Variants in LMNTD2 observed in about 807,000 individuals in gnomAD.
The protein encoded by LMNTD2 is lamin tail domain-containing protein 2.
LMNTD2 carries 83 observed loss-of-function variants against 70.1 expected under a neutral mutation model. The observed-to-expected ratio is 1.18, with a 90% confidence interval of 0.99 to 1.42. The LOEUF (loss-of-function observed/expected upper bound fraction) is 1.42. LMNTD2 is among the 40% of genes most tolerant of loss of function. The probability of loss-of-function intolerance (pLI) is 0.00; values close to 1 mark genes in which losing one functional copy is unlikely to be tolerated. For synonymous variants in LMNTD2, 534 were observed against 406.1 expected, an observed-to-expected ratio of 1.31 and a Z score of -3.79; for missense variants, 1,153 against 905.9, an observed-to-expected ratio of 1.27 and a Z score of -3.50.
intron 10 of LMNTD2, 35 bp from the exon 11 acceptor site, chr11:556,150 C>A: frequency 7.6e-7 from 1 of 1,309,182 alleles, no homozygotes; most frequent in Non-Finnish European, 9.7e-7. Context: ...GAGGGGCGGC[C>A]GGGCCGGGCC....
At position 557,586 on chromosome 11, in the gene LMNTD2, C is replaced by CCTGAATGTTTT. The variant is rs773351908; in HGVS notation, c.599_609dup (p.Ala204LysfsTer74). On this transcript the variant is annotated frameshift_variant, in exon 6 of 14. Transcript: ENST00000329451. LOFTEE classifies it high-confidence loss of function. Reference sequence around the variant, plus strand: ...GCCTAGCTCACCTCCCCGGTGGGGGCCTGAATGTTTTCAGAGAGGTCGCTT... The same window carrying CCTGAATGTTTT: ...GCCTAGCTCACCTCCCCGGTGGGGGCCTGAATGTTTTCTGAATGTTTTCAGAGAGGTCGCTT... The CCTGAATGTTTT allele has an allele frequency of 1.2e-6, 2 of 1,613,360 alleles. No individual in the cohort carries two copies. The highest frequency in any genetic ancestry group is 1.7e-6 in the Non-Finnish European group (2 of 1,179,866).
In LMNTD2 at chr11:555,858, A is replaced by G. The variant is rs749355145; in HGVS notation, c.1450T>C (p.Ser484Pro). ...PRVFADGTDL[S>P]IDRFPLPEAG... ...TCAGGGAGCGGGAAGCGGTCGATGG[A>G]CAAGTCGGTGCCGTCGGCGAAGACC... The change falls in exon 12 of 14, where the codon TCC (serine) becomes CCC (proline). Residue 484 changes from serine (S) to proline (P), a missense_variant. By Grantham distance (74) the Ser-to-Pro change is moderately conservative. Transcript: ENST00000329451. 1.3e-6 allele frequency: 2 copies of G among 1,560,652 alleles called. No homozygotes were observed. Among genetic ancestry groups the G allele is most frequent in the South Asian group, 1.2e-5 (1 of 86,044 alleles).
intron 8 of LMNTD2, 49 bp downstream of exon 8, chr11:556,786 G>A: frequency 6.7e-7 from 1 of 1,499,000 alleles, no homozygotes; most frequent in East Asian, 2.4e-5. Flanking sequence ...AGCTCTGAGG[G>A]GGTGGAGGGT....
Position 557,477 on chromosome 11 carries a change from A to G in LMNTD2, c.635T>C (p.Leu212Pro), listed in dbSNP as rs142820502. Residue 212 changes from leucine (L) to proline (P), a missense_variant, in exon 7 of 14, where the codon CTG becomes CCG. Coordinates refer to ENST00000329451, the MANE Select transcript of LMNTD2 (RefSeq NM_173573.3). Reference protein sequence around the residue: ...IQAPTGEGFRLEDVDWNSVAR... With the variant: ...IQAPTGEGFRPEDVDWNSVAR... Reference sequence around the variant, plus strand: ...AACGCTGTTCCAATCCACGTCCTCCAGCCGAAAGCCCTGGCCAGGAAGCAA... The same window carrying G: ...AACGCTGTTCCAATCCACGTCCTCCGGCCGAAAGCCCTGGCCAGGAAGCAA... The G allele has an allele frequency of 6.2e-6, 10 of 1,611,952 alleles. No homozygotes were observed. The African/African-American group carries it at 1.1e-4, about 17-fold the overall frequency.
rs532417751 is a variant in LMNTD2, at chr11:557,273, C to T, written c.713+126G>A. The T allele has an allele frequency of 9.9e-5, 134 of 1,357,736 alleles. No homozygotes were observed. The African/African-American group carries it at 1.0e-3, about 10-fold the overall frequency. The allele number at this position is 1,357,736 out of a possible 1,614,324, so 84.1% of individuals were successfully genotyped here. ...CCAACGCATTCTACAGATCAGAGAA[C>T]GCGCATTGGAAGGTTTAAGAGACTT... On this transcript the variant is annotated intron_variant, in intron 7 of 13. Transcript: ENST00000329451.
intron 5 of LMNTD2, 108 bp downstream of exon 5, chr11:557,776 C>T (rs1852992623): frequency 6.5e-7 from 1 of 1,541,166 alleles, no homozygotes; most frequent in Admixed American, 2.0e-5. Flanking sequence ...GGCACCTGAG[C>T]AGGGCAGGCT....
intron 13 of LMNTD2, 63 bp downstream of exon 13, chr11:555,242 G>GGGAGA: frequency 1.7e-6 from 2 of 1,208,752 alleles, no homozygotes; most frequent in Non-Finnish European, 1.1e-6. Flanking sequence ...AGGGAGGGGC[G>GGGAGA]GGAGAGGAGA....
Position 558,412 on chromosome 11 carries a change from A to G in LMNTD2, c.312-164T>C, listed in dbSNP as rs576456345. 395 of 1,064,672 alleles carry G rather than the reference A, an allele frequency of 3.7e-4. 1 individual carries two copies. The African/African-American group carries it at 5.7e-3, about 15-fold the overall frequency. 66.0% of individuals were successfully genotyped at this position (1,064,672 alleles called of 1,614,324 possible). On this transcript the variant is annotated intron_variant, in intron 3 of 13. Transcript: ENST00000329451. ...GCTGGCCAGCCTCCGGCTGGTCTGG[A>G]CAAGGGTCTAGCACCCATCCACATG...
chr11:557,057 C>T lies in LMNTD2; in HGVS notation c.754G>A (p.Glu252Lys), dbSNP rs750781882. The T allele has an allele frequency of 1.9e-6, 3 of 1,607,450 alleles. No homozygotes were observed. The highest frequency in any genetic ancestry group is 2.2e-5 in the East Asian group (1 of 44,740). ...CGCTCGGAATGCTTTCCAGAGGACTCTGGGCTCCCTGTGTCCAGCTGTGGC... is the reference window on the plus strand; with the variant it reads ...CGCTCGGAATGCTTTCCAGAGGACTTTGGGCTCCCTGTGTCCAGCTGTGGC... ...PWPQLDTGSPESSGKHSERHH... is the reference protein window; with the variant it reads ...PWPQLDTGSPKSSGKHSERHH... The change falls in exon 8 of 14, where the codon GAG (glutamate) becomes AAG (lysine). Residue 252 changes from glutamate (E) to lysine (K), a missense_variant. By Grantham distance (56) the Glu-to-Lys change is moderately conservative. Transcript: ENST00000329451.
At position 555,313 on chromosome 11, in the gene LMNTD2, G is replaced by A. The variant is rs778715756; in HGVS notation, c.1765C>T (p.Arg589Ter). The change falls in exon 13 of 14, where the codon CGA becomes TGA. Residue 589 changes from arginine to a stop codon, truncating the protein, a stop_gained. Transcript: ENST00000329451. LOFTEE classifies it low-confidence loss of function (END_TRUNC). ...CGCAAGCGCGCACTCACCCGAACTCGGTGTTCTTTCTGGAGCCGACAGTCC... is the reference window on the plus strand; with the variant it reads ...CGCAAGCGCGCACTCACCCGAACTCAGTGTTCTTTCTGGAGCCGACAGTCC... ...LEDCRLQKEHRVRVCRKSVDR... is the reference protein window; with the variant it reads ...LEDCRLQKEH The A allele has an allele frequency of 7.0e-7, 1 of 1,419,298 alleles. No individual in the cohort carries two copies. Among genetic ancestry groups the A allele is most frequent in the Non-Finnish European group, 9.2e-7 (1 of 1,089,132 alleles). The allele number at this position is 1,419,298 out of a possible 1,614,324, so 87.9% of individuals were successfully genotyped here.
In LMNTD2 at chr11:555,759, G is replaced by A. The variant is rs1351425959; in HGVS notation, c.1549C>T (p.Pro517Ser). ...RPLRKGRVRE[P>S]RVSRRRPGTR... ...CCTGGTCTCCGGCGACTGACCCGGGGCTCCCGCACCCGGCCTTTGCGCAGG... is the reference window on the plus strand; with the variant it reads ...CCTGGTCTCCGGCGACTGACCCGGGACTCCCGCACCCGGCCTTTGCGCAGG... Residue 517 changes from proline to serine, a missense_variant, in exon 12 of 14, where the codon CCC (proline) becomes TCC (serine). Transcript: ENST00000329451. The A allele has an allele frequency of 1.6e-5, 23 of 1,437,062 alleles. No homozygotes were observed. Among genetic ancestry groups the A allele is most frequent in the East Asian group, 2.9e-5 (1 of 34,810 alleles). 89.0% of individuals were successfully genotyped at this position (1,437,062 alleles called of 1,614,324 possible). A position where few individuals can be genotyped will look rare whatever the true frequency, so the allele number is the denominator to read the frequency against.
At chr11:559,192 CGT>C in intron 1 of LMNTD2, 1 of 1,473,752 alleles carries the variant, frequency 6.8e-7, no homozygotes. Flanking sequence ...TGTCCACACC[CGT>C]GTGTTTCTGA....
At position 558,902 on chromosome 11, in the gene LMNTD2, C is replaced by CT; in HGVS notation, c.111dup (p.Asp38ArgfsTer20). The CT allele has an allele frequency of 6.2e-7, 1 of 1,611,152 alleles. No homozygotes were observed. Among genetic ancestry groups the CT allele is most frequent in the African/African-American group, 1.3e-5 (1 of 74,984 alleles). ...ACCGGTGCGGGGTGGGGCGTGGTGT[C>CT]TGGCAGGCACGTGGGAGTCTCGGGG... On this transcript the variant is annotated frameshift_variant, in exon 2 of 14. Coordinates refer to ENST00000329451, the MANE Select transcript of LMNTD2 (RefSeq NM_173573.3). LOFTEE classifies it high-confidence loss of function.
At chr11:560,407 C>G in intron 1 of LMNTD2, 1 of 1,224,748 alleles carries the variant, frequency 8.2e-7, no homozygotes, top group Non-Finnish European at 1.0e-6. Flanking sequence ...GGGCACCTCC[C>G]GCACCAGGAC....
Position 556,963 on chromosome 11 carries a change from G to C in LMNTD2, c.848C>G (p.Ser283Cys), listed in dbSNP as rs774250126. The change falls in exon 8 of 14, where the codon TCC becomes TGC. Residue 283 changes from serine to cysteine, a missense_variant. Physicochemically the swap from Ser to Cys is moderately radical, Grantham distance 112. Coordinates refer to ENST00000329451, the MANE Select transcript of LMNTD2 (RefSeq NM_173573.3). ...LNTSSSGGAD[S>C]DSSSCRPGLP... Reference sequence around the variant, plus strand: ...GCCCGGCCGGCAGCTGCTGGAGTCGGAGTCAGCGCCCCCTGAGCTGCTGGT... The same window carrying C: ...GCCCGGCCGGCAGCTGCTGGAGTCGCAGTCAGCGCCCCCTGAGCTGCTGGT... 5 of 1,605,176 alleles carry C rather than the reference G, an allele frequency of 3.1e-6. No individual in the cohort carries two copies. The Admixed American group carries it at 6.7e-5, about 22-fold the overall frequency.
chr11:560,448 C>T (rs113263596), intron 1 of LMNTD2: 66,747 of 1,249,942 alleles, frequency 0.053, 1,937 homozygotes, highest in Non-Finnish European at 0.06. Context: ...AGGGCTCCAC[C>T]TCCCTCGCCG....
intron 12 of LMNTD2, 64 bp from the exon 13 acceptor site, chr11:555,567 C>T (rs1268860855): frequency 1.5e-6 from 2 of 1,307,412 alleles, no homozygotes; most frequent in Non-Finnish European, 2.0e-6. Context: ...GAGGGCTCCG[C>T]GCCTGGGGCG....
rs777082635 is a variant in LMNTD2 at position 558,032 on chromosome 11, T to TC, written c.406dup (p.Glu136GlyfsTer65). ...CTGCAGCAGCCGCTCCTCCAGGTGC[T>TC]CCTTCTCCTGCTCCGAGAGGGCCTG... On this transcript the variant is annotated frameshift_variant, in exon 5 of 14. Transcript: ENST00000329451. LOFTEE classifies it high-confidence loss of function. 8.9e-6 allele frequency: 14 copies of TC among 1,579,412 alleles called. No individual in the cohort carries two copies. The East Asian group carries it at 3.1e-4, about 35-fold the overall frequency.
At position 555,055 on chromosome 11, in the gene LMNTD2, G is replaced by C. The variant is rs886935528; in HGVS notation, c.1830C>G (p.Asn610Lys). The change falls in exon 14 of 14, where the codon AAC becomes AAG. Residue 610 changes from asparagine to lysine, a missense_variant. Coordinates refer to ENST00000329451, the MANE Select transcript of LMNTD2 (RefSeq NM_173573.3). ...GGAAGCCGAATCTGCTCTCCGCCGT[G>C]TTCTGCACCGACAGGGCCACCAGGG... ...SCPLVALSVQ[N>K]TAESRFGFRF... The C allele has an allele frequency of 1.9e-6, 3 of 1,588,026 alleles. No individual in the cohort carries two copies. The African/African-American group carries it at 4.2e-5, about 22-fold the overall frequency.
Sources: allele counts gnomAD v4.1 joint callset, GRCh38; gene constraint gnomAD v4.1.1; transcripts MANE v1.5; gene names NCBI Gene and HGNC (gene_info 2026-07-23, HGNC 2026-07-21).